ZFPM2: variants seen among roughly 807,000 people sequenced by gnomAD.
ZFPM2 encodes the protein zinc finger protein ZFPM2.
In ZFPM2, 20 loss-of-function variants were observed where a neutral mutation model predicts 98.6. The observed-to-expected ratio is 0.20, with a 90% CI of 0.14 to 0.29. ZFPM2 has a LOEUF of 0.29. Ranked by LOEUF, ZFPM2 falls within the 10% of genes least tolerant of loss-of-function variation. The pLI is 1.00. For missense variants in ZFPM2, 1,310 were observed against 1,388.6 expected (o/e 0.94, Z 0.90); for synonymous variants, 518 against 502.7 (o/e 1.03, Z -0.41).
At chr8:105,517,707 CCACACACACACACA>C (rs1554613621) in intron 3 of ZFPM2, among the ~76,000 whole-genome samples, 4 of 124,980 alleles carry the variant, frequency 3.2e-5, no homozygotes, top group Admixed American at 1.6e-4. Flanking sequence ...CACACACACA[CCACACACACACACA>C]CACACACACA....
At chr8:105,549,203 G>A (rs748822859) in intron 3 of ZFPM2, among the ~76,000 whole-genome samples, 1 of 151,978 alleles carries the variant, frequency 6.6e-6, no homozygotes, top group Non-Finnish European at 1.5e-5. Flanking sequence ...GTTGGAAAGG[G>A]AAAGATCCAG....
chr8:105,549,554 CCTTCCTTT>C lies in ZFPM2; in HGVS notation c.302-11801_302-11794del, dbSNP rs765475171. Among the ~76,000 whole-genome samples the C allele has an allele frequency of 1.2e-3, 162 of 132,950 alleles. 6 individuals are homozygous for C. Among genetic ancestry groups the C allele is most frequent in the East Asian group, 8.9e-3 (35 of 3,946 alleles). 87.2% of individuals were successfully genotyped at this position (132,950 alleles called of 152,430 possible). ...TCCTTCCTTCCTTCCTTCCTTCCTTCCTTCCTTTCTTCCTTCCATCCTTCGTTCCTTCT... is the reference window on the plus strand; with the variant it reads ...TCCTTCCTTCCTTCCTTCCTTCCTTCCTTCCTTCCATCCTTCGTTCCTTCT... On this transcript the variant is annotated intron_variant, in intron 3 of 7. Coordinates refer to ENST00000407775, the MANE Select transcript of ZFPM2 (RefSeq NM_012082.4).
intron 5 of ZFPM2, among the ~76,000 whole-genome samples, chr8:105,715,716 C>A (rs1811508213): frequency 6.6e-6 from 1 of 151,900 alleles, no homozygotes. Flanking sequence ...CCAAATCCAA[C>A]CTATATGTGA....
intron 1 of ZFPM2, among the ~76,000 whole-genome samples, chr8:105,335,407 A>G (rs1812309033): frequency 6.6e-6 from 1 of 151,850 alleles, no homozygotes; most frequent in Admixed American, 6.6e-5. Flanking sequence ...CAGAGGTGCT[A>G]CAAGGTGTAT....
chr8:105,419,441 A>G, intron 2 of ZFPM2, 139 bp downstream of exon 2: 1 of 1,053,782 alleles, frequency 9.5e-7, no homozygotes, highest in Non-Finnish European at 1.3e-6. Flanking sequence ...TTTAAACATA[A>G]AATTTTATTT....
intron 3 of ZFPM2, among the ~76,000 whole-genome samples, chr8:105,500,216 G>T (rs543917458): frequency 6.6e-6 from 1 of 152,098 alleles, no homozygotes; most frequent in Admixed American, 6.5e-5. Flanking sequence ...CCAATACATA[G>T]CATATTATTT....
chr8:105,644,888 C>T (rs1817013866), intron 5 of ZFPM2, among the ~76,000 whole-genome samples: 2 of 152,156 alleles, frequency 1.3e-5, no homozygotes, highest in Admixed American at 6.5e-5. Context: ...AGCCTTACCT[C>T]CTAATGCCAT....
chr8:105,653,835 A>G (rs544388783), intron 5 of ZFPM2, among the ~76,000 whole-genome samples: 2 of 125,934 alleles, frequency 1.6e-5, no homozygotes, highest in East Asian at 4.7e-4. Flanking sequence ...TTGTCTTTAT[A>G]CAACAGCTTG....
intron 3 of ZFPM2, among the ~76,000 whole-genome samples, chr8:105,510,408 TTTTTG>T (rs1335564325): frequency 2.8e-5 from 3 of 106,726 alleles, no homozygotes; most frequent in African/African-American, 8.5e-5. Context: ...GTTTTTTTTT[TTTTTG>T]TTTGTTTGTT....
intron 3 of ZFPM2, among the ~76,000 whole-genome samples, chr8:105,468,022 T>A (rs1812826357): frequency 6.6e-6 from 1 of 152,038 alleles, no homozygotes; most frequent in Non-Finnish European, 1.5e-5. Context: ...CTGTCTCCAC[T>A]ATCACTCATG....
chr8:105,626,599 T>C (rs1462248011), intron 4 of ZFPM2, among the ~76,000 whole-genome samples: 3 of 152,058 alleles, frequency 2.0e-5, no homozygotes, highest in Admixed American at 1.3e-4. Context: ...CAAGGAAATG[T>C]GTGTGCGTGT....
At chr8:105,329,659 T>G (rs1586295249) in intron 1 of ZFPM2, among the ~76,000 whole-genome samples, 1 of 151,760 alleles carries the variant, frequency 6.6e-6, no homozygotes, top group Admixed American at 6.6e-5. Context: ...GAAAAATTAC[T>G]TCGTAAATTA....
chr8:105,527,404 T>A (rs1482458668), intron 3 of ZFPM2, among the ~76,000 whole-genome samples: 1 of 152,186 alleles, frequency 6.6e-6, no homozygotes, highest in Non-Finnish European at 1.5e-5. Flanking sequence ...GTTCTCTTGT[T>A]TTTTCACTCA....
At chr8:105,705,234 A>G (rs1811228470) in intron 5 of ZFPM2, among the ~76,000 whole-genome samples, 1 of 152,064 alleles carries the variant, frequency 6.6e-6, no homozygotes, top group African/African-American at 2.4e-5. Context: ...ATATTTAGGG[A>G]ATAAAAATTT....
Position 105,419,205 on chromosome 8 carries a change from C to T in ZFPM2, c.102C>T (p.Ile34=). 1 of 1,613,672 alleles carries T rather than the reference C, an allele frequency of 6.2e-7. No individual in the cohort carries two copies. Among genetic ancestry groups the T allele is most frequent in the Non-Finnish European group, 8.5e-7 (1 of 1,179,678 alleles). Residue 34 remains isoleucine, a synonymous_variant, in exon 2 of 8, where the codon ATC becomes ATT. Coordinates refer to ENST00000407775, the MANE Select transcript of ZFPM2 (RefSeq NM_012082.4). ...EEECPSEETD[I]ISKGDFPLEE... Reference sequence around the variant, plus strand: ...AATGTCCATCAGAGGAAACAGACATCATCTCCAAAGGAGACTTTCCATTGG... The same window carrying T: ...AATGTCCATCAGAGGAAACAGACATTATCTCCAAAGGAGACTTTCCATTGG...
At chr8:105,464,873 G>C (rs982583063) in intron 3 of ZFPM2, among the ~76,000 whole-genome samples, 14 of 151,092 alleles carry the variant, frequency 9.3e-5, no homozygotes, top group African/African-American at 3.2e-4. Context: ...GAGGCAGCCT[G>C]TTAGGGAATT....
At chr8:105,759,107 T>C (rs776055230) in intron 5 of ZFPM2, among the ~76,000 whole-genome samples, 8 of 152,136 alleles carry the variant, frequency 5.3e-5, no homozygotes, top group Non-Finnish European at 1.0e-4. Context: ...CCATTTTATT[T>C]GCAGGCTCTA....
In ZFPM2 at chr8:105,402,209, T is replaced by G. The variant is rs567399628; in HGVS notation, c.41-16935T>G. Among the ~76,000 whole-genome samples the G allele has an allele frequency of 2.6e-3, 391 of 152,204 alleles. 1 individual carries two copies. Among genetic ancestry groups the G allele is most frequent in the African/African-American group, 8.8e-3 (364 of 41,588 alleles). The stretch of plus-strand genomic sequence containing the variant: ...GTAAAATCTTGCCTGTTGTTTCATT[T>G]GGAAGCATCTTTAACATGTTAAGAT... On this transcript the variant is annotated intron_variant, in intron 1 of 7. Transcript: ENST00000407775.
rs188024467 is a variant in ZFPM2, at chr8:105,351,214, G to A, written c.40+32233G>A. Among the ~76,000 whole-genome samples, 6 of 150,982 alleles carry A rather than the reference G, an allele frequency of 4.0e-5. No individual in the cohort carries two copies. The East Asian group carries it at 7.8e-4, about 20-fold the overall frequency. ...AAAAAAAGAAAATGACATAGTATTT[G>A]CATATAATTTATGCAATCCTCCTGT... is the stretch of plus-strand genomic sequence containing the variant. On this transcript the variant is annotated intron_variant, in intron 1 of 7. Transcript: ENST00000407775.
Sources: allele counts gnomAD v4.1 joint callset (sites outside exome capture counted in the v4.1 genomes callset), GRCh38; gene constraint gnomAD v4.1.1; transcripts MANE v1.5; gene names NCBI Gene and HGNC (gene_info 2026-07-23, HGNC 2026-07-21).